Variants in SLC25A4 observed in about 807,000 individuals in gnomAD.
SLC25A4 encodes ADP/ATP translocase 1.
A neutral mutation model predicts 24.7 loss-of-function variants in SLC25A4; 10 were observed. That is an observed-to-expected ratio of 0.41 (90% CI 0.25 to 0.69). The LOEUF (loss-of-function observed/expected upper bound fraction) is 0.69. Among genes scored for constraint, SLC25A4 ranks in the 30% least tolerant of loss-of-function variants. The pLI, the probability that SLC25A4 is intolerant of heterozygous loss-of-function variation, is 0.35. For missense variants in SLC25A4, 273 were observed against 387.6 expected (o/e 0.70, Z 2.48); for synonymous variants, 125 against 153.3 (o/e 0.82, Z 1.36).
chr4:185,146,656 G>C (rs1734447041), intron 3 of SLC25A4, among the ~76,000 whole-genome samples, 158 bp from the exon 4 acceptor site: 1 of 152,210 alleles, frequency 6.6e-6, no homozygotes, highest in Non-Finnish European at 1.5e-5. Context: ...AGTGAAGCAA[G>C]GAAGGAGATG....
intron 1 of SLC25A4, 74 bp from the exon 2 acceptor site, chr4:185,144,690 C>CTTT: frequency 7.1e-6 from 10 of 1,404,850 alleles, no homozygotes; most frequent in Admixed American, 3.8e-5. Flanking sequence ...AAGTGCAAAC[C>CTTT]TTTTTTTTTC....
Position 185,145,394 on chromosome 4 carries a change from T to A in SLC25A4, c.598+144T>A. 1 of 1,258,854 alleles carries A rather than the reference T, an allele frequency of 7.9e-7. No homozygotes were observed. The highest frequency in any genetic ancestry group is 1.1e-6 in the Non-Finnish European group (1 of 894,618). The allele number at this position is 1,258,854 out of a possible 1,614,324, so 78.0% of individuals were successfully genotyped here. ...GAGGCTTCTGAATGAGGAGGTGATG[T>A]GCATAAGTTAATAGCTGAAGCGTTC... is the stretch of plus-strand genomic sequence containing the variant. On this transcript the variant is annotated intron_variant, in intron 2 of 3. Transcript: ENST00000281456. The surrounding 1 kb of genome is among the most constrained non-coding windows in gnomAD (Gnocchi z 5.5).
In SLC25A4 at chr4:185,145,685, C is replaced by A. The variant is rs985488099; in HGVS notation, c.599-74C>A. Reference sequence around the variant, plus strand: ...GAGCATGGAGCTGGAGGTGCAGTGGCCTCTCTCCCTCCACCTGCTTTCTGC... The same window carrying A: ...GAGCATGGAGCTGGAGGTGCAGTGGACTCTCTCCCTCCACCTGCTTTCTGC... On this transcript the variant is annotated intron_variant, in intron 2 of 3. Coordinates refer to ENST00000281456, the MANE Select transcript of SLC25A4 (RefSeq NM_001151.4). This position sits in a 1 kb window ranked among gnomAD's most constrained non-coding sequence, Gnocchi z 5.5. 7.0e-6 allele frequency: 11 copies of A among 1,574,036 alleles called. No individual in the cohort carries two copies. Among genetic ancestry groups the A allele is most frequent in the Non-Finnish European group, 9.6e-6 (11 of 1,147,556 alleles).
rs942055273 is a variant in SLC25A4, at chr4:185,147,978, C to T, written c.*1007C>T. 1.2e-4 allele frequency: 17 copies of T among 147,248 alleles called. No homozygotes were observed. Among genetic ancestry groups the T allele is most frequent in the Non-Finnish European group, 2.5e-4 (17 of 67,070 alleles). 9.1% of individuals were successfully genotyped at this position (147,248 alleles called of 1,614,324 possible). A position where few individuals can be genotyped will look rare whatever the true frequency, so the allele number is the denominator to read the frequency against. On this transcript the variant is annotated 3_prime_UTR_variant, in exon 4 of 4. Coordinates refer to ENST00000281456, the MANE Select transcript of SLC25A4 (RefSeq NM_001151.4). ...CCTAAGCGACAGGGCAAGACTCTGT[C>T]TCAAAAAAAAAAAAAAGAAAGAAAA...
intron 1 of SLC25A4, among the ~76,000 whole-genome samples, chr4:185,144,206 G>A (rs1162902154): frequency 6.6e-6 from 1 of 152,104 alleles, no homozygotes; most frequent in African/African-American, 2.4e-5. Context: ...GCTCACAACG[G>A]CAGCAAACCC....
Position 185,145,513 on chromosome 4 carries a change from A to G in SLC25A4, c.599-246A>G. The G allele has an allele frequency of 3.0e-6, 2 of 661,208 alleles. No individual in the cohort carries two copies. The highest frequency in any genetic ancestry group is 5.1e-6 in the Non-Finnish European group (2 of 393,184). 41.0% of individuals were successfully genotyped at this position (661,208 alleles called of 1,614,324 possible). ...CCCTCTAGACACAGCCATAGCAGTT[A>G]CTGAGTTTAACTTGAAGCCACTTCC... On this transcript the variant is annotated intron_variant, in intron 2 of 3. Transcript: ENST00000281456. The surrounding 1 kb of genome is among the most constrained non-coding windows in gnomAD (Gnocchi z 5.5).
Position 185,145,952 on chromosome 4 carries a change from ATT to A in SLC25A4, c.739+56_739+57del. 1 of 1,599,490 alleles carries A rather than the reference ATT, an allele frequency of 6.3e-7. No individual in the cohort carries two copies. Among genetic ancestry groups the A allele is most frequent in the Non-Finnish European group, 8.6e-7 (1 of 1,168,582 alleles). The stretch of plus-strand genomic sequence containing the variant: ...TTGTTTGGTTTTGCCCGAGGAGAAC[ATT>A]TTACAGGGCTCCTTTCAGTCTTCCT... On this transcript the variant is annotated intron_variant, in intron 3 of 3. Coordinates refer to ENST00000281456, the MANE Select transcript of SLC25A4 (RefSeq NM_001151.4). The surrounding 1 kb of genome is among the most constrained non-coding windows in gnomAD (Gnocchi z 5.5).
chr4:185,143,400 A>G lies in SLC25A4; in HGVS notation c.28A>G (p.Lys10Glu), dbSNP rs1255228498. ...GGGTGATCACGCTTGGAGCTTCCTA[A>G]AGGACTTCCTGGCCGGGGGCGTCGC... The part of the protein sequence containing the change: MGDHAWSFL[K>E]DFLAGGVAAA... The change falls in exon 1 of 4, where the codon AAG (lysine) becomes GAG (glutamate). Residue 10 changes from lysine (K) to glutamate (E), a missense_variant. Physicochemically the swap from Lys to Glu is moderately conservative, Grantham distance 56 (BLOSUM62 1). Transcript: ENST00000281456. 6.6e-7 allele frequency: 1 copy of G among 1,523,904 alleles called. No homozygotes were observed. Among genetic ancestry groups the G allele is most frequent in the Non-Finnish European group, 8.8e-7 (1 of 1,132,124 alleles). The allele number at this position is 1,523,904 out of a possible 1,614,324, so 94.4% of individuals were successfully genotyped here.
chr4:185,143,553 A>G, intron 1 of SLC25A4, 70 bp downstream of exon 1: 1 of 528,480 alleles, frequency 1.9e-6, no homozygotes, highest in Non-Finnish European at 2.5e-6. Flanking sequence ...ATGCGGCGCG[A>G]GCTGCAGGGC....
chr4:185,144,995 G>C lies in SLC25A4; in HGVS notation c.343G>C (p.Gly115Arg). ...RHKQFWRYFA[G>R]NLASGGAAGA... ...TAAGCAGTTCTGGCGCTACTTTGCTGGTAACCTGGCGTCCGGTGGGGCCGC... is the reference window on the plus strand; with the variant it reads ...TAAGCAGTTCTGGCGCTACTTTGCTCGTAACCTGGCGTCCGGTGGGGCCGC... Residue 115 changes from glycine to arginine, a missense_variant, in exon 2 of 4, where the codon GGT (glycine) becomes CGT (arginine). Physicochemically the swap from Gly to Arg is moderately radical, Grantham distance 125. Coordinates refer to ENST00000281456, the MANE Select transcript of SLC25A4 (RefSeq NM_001151.4). 1 of 1,614,220 alleles carries C rather than the reference G, an allele frequency of 6.2e-7. No homozygotes were observed. The highest frequency in any genetic ancestry group is 8.5e-7 in the Non-Finnish European group (1 of 1,180,032).
chr4:185,147,155 A>G lies in SLC25A4; in HGVS notation c.*184A>G. Reference sequence around the variant, plus strand: ...TCATTAAACCACACATGTATTTTGTATTTATTTTACATTTAAATTCCCACA... The same window carrying G: ...TCATTAAACCACACATGTATTTTGTGTTTATTTTACATTTAAATTCCCACA... On this transcript the variant is annotated 3_prime_UTR_variant, in exon 4 of 4. Transcript: ENST00000281456. 1 of 569,972 alleles carries G rather than the reference A, an allele frequency of 1.8e-6. No individual in the cohort carries two copies. The highest frequency in any genetic ancestry group is 3.1e-6 in the Non-Finnish European group (1 of 323,616). The allele number at this position is 569,972 out of a possible 1,614,324, so 35.3% of individuals were successfully genotyped here. A position where few individuals can be genotyped will look rare whatever the true frequency, so the allele number is the denominator to read the frequency against.
Position 185,147,194 on chromosome 4 carries a change from AATTT to A in SLC25A4, c.*226_*229del, listed in dbSNP as rs1488837513. On this transcript the variant is annotated 3_prime_UTR_variant, in exon 4 of 4. Transcript: ENST00000281456. ...TAAATTCCCACAGCAAATAGAAAAT[AATTT>A]ATCATACTTGTACAATTAACTGAAG... 2 of 515,168 alleles carry A rather than the reference AATTT, an allele frequency of 3.9e-6. No individual in the cohort carries two copies. Among genetic ancestry groups the A allele is most frequent in the Non-Finnish European group, 6.9e-6 (2 of 288,886 alleles). The allele number at this position is 515,168 out of a possible 1,614,324, so 31.9% of individuals were successfully genotyped here. A position where few individuals can be genotyped will look rare whatever the true frequency, so the allele number is the denominator to read the frequency against.
Position 185,144,759 on chromosome 4 carries a change from A to C in SLC25A4, c.112-5A>C. 6.2e-7 allele frequency: 1 copy of C among 1,609,220 alleles called. No homozygotes were observed. The highest frequency in any genetic ancestry group is 8.5e-7 in the Non-Finnish European group (1 of 1,178,780). On this transcript the variant is annotated splice_region_variant and splice_polypyrimidine_tract_variant and intron_variant, in intron 1 of 3. Coordinates refer to ENST00000281456, the MANE Select transcript of SLC25A4 (RefSeq NM_001151.4). ...TCCTCTGTCACCCACCCTCCCCTCC[A>C]CCAGGTCCAGCATGCCAGCAAACAG...
rs910204564 is a variant in SLC25A4, at chr4:185,143,272, C to T, written c.-101C>T. On this transcript the variant is annotated 5_prime_UTR_variant, in exon 1 of 4. Coordinates refer to ENST00000281456, the MANE Select transcript of SLC25A4 (RefSeq NM_001151.4). ...GAGCTGCGGGCCAGGCGGCGGCCCC[C>T]TAGCGTCGCGCAGGGTCGGGGACTG... 3.1e-6 allele frequency: 2 copies of T among 635,156 alleles called. No homozygotes were observed. The highest frequency in any genetic ancestry group is 2.5e-5 in the Admixed American group (1 of 39,886). 39.3% of individuals were successfully genotyped at this position (635,156 alleles called of 1,614,324 possible).
In SLC25A4 at chr4:185,145,850, C is replaced by G. The variant is rs1426227890; in HGVS notation, c.690C>G (p.Pro230=). The G allele has an allele frequency of 6.2e-7, 1 of 1,614,214 alleles. No homozygotes were observed. Among genetic ancestry groups the G allele is most frequent in the South Asian group, 1.1e-5 (1 of 91,084 alleles). ...CAGTCGCAGGGCTGGTGTCCTACCC[C>G]TTTGACACTGTTCGTCGTAGAATGA... ...VTAVAGLVSY[P]FDTVRRRMMM... The change falls in exon 3 of 4, where the codon CCC becomes CCG. Residue 230 remains proline, a synonymous_variant. Coordinates refer to ENST00000281456, the MANE Select transcript of SLC25A4 (RefSeq NM_001151.4). This position sits in a 1 kb window ranked among gnomAD's most constrained non-coding sequence, Gnocchi z 5.5.
chr4:185,145,766 G>C lies in SLC25A4; in HGVS notation c.606G>C (p.Leu202=), dbSNP rs753029385. The change falls in exon 3 of 4, where the codon CTG becomes CTC. Residue 202 remains leucine (L), a synonymous_variant. Transcript: ENST00000281456. The surrounding 1 kb of genome is among the most constrained non-coding windows in gnomAD (Gnocchi z 5.5). ...FGVYDTAKGM[L]PDPKNVHIFV... Reference sequence around the variant, plus strand: ...TCTGGGCTCTGTCCACAGGGATGCTGCCTGACCCCAAGAACGTGCACATTT... The same window carrying C: ...TCTGGGCTCTGTCCACAGGGATGCTCCCTGACCCCAAGAACGTGCACATTT... 2 of 1,614,112 alleles carry C rather than the reference G, an allele frequency of 1.2e-6. No homozygotes were observed. The highest frequency in any genetic ancestry group is 2.7e-5 in the African/African-American group (2 of 74,944).
In SLC25A4 at chr4:185,147,948, T is replaced by G. The variant is rs1734471113; in HGVS notation, c.*977T>G. 6.7e-6 allele frequency: 1 copy of G among 149,416 alleles called. No homozygotes were observed. Among genetic ancestry groups the G allele is most frequent in the South Asian group, 2.1e-4 (1 of 4,690 alleles). 9.3% of individuals were successfully genotyped at this position (149,416 alleles called of 1,614,324 possible). A position where few individuals can be genotyped will look rare whatever the true frequency, so the allele number is the denominator to read the frequency against. On this transcript the variant is annotated 3_prime_UTR_variant, in exon 4 of 4. Transcript: ENST00000281456. Reference sequence around the variant, plus strand: ...TGAGCTGAGATGGCATGCCACCACATCCATCCTAAGCGACAGGGCAAGACT... The same window carrying G: ...TGAGCTGAGATGGCATGCCACCACAGCCATCCTAAGCGACAGGGCAAGACT...
intron 3 of SLC25A4, among the ~76,000 whole-genome samples, chr4:185,146,423 T>TA (rs1734444099): frequency 6.6e-6 from 1 of 152,244 alleles, no homozygotes; most frequent in Non-Finnish European, 1.5e-5. Flanking sequence ...AACGAATAGT[T>TA]ACAGCCTTTT....
Position 185,143,492 on chromosome 4 carries a change from CGCGCGGTGCAAGAGGCGG to C in SLC25A4, c.111+16_111+33del. ...TCAAACTGCTGCTGCAGGTGAGGACCGCGCGGTGCAAGAGGCGGGCGCGGGCGCGGCGGGCCGGGCGGG... is the reference window on the plus strand; with the variant it reads ...TCAAACTGCTGCTGCAGGTGAGGACCGCGCGGGCGCGGCGGGCCGGGCGGG... On this transcript the variant is annotated intron_variant, in intron 1 of 3. Transcript: ENST00000281456. 1.4e-6 allele frequency: 2 copies of C among 1,388,052 alleles called. No individual in the cohort carries two copies. Among genetic ancestry groups the C allele is most frequent in the Non-Finnish European group, 1.9e-6 (2 of 1,048,014 alleles). The allele number at this position is 1,388,052 out of a possible 1,614,324, so 86.0% of individuals were successfully genotyped here. A position where few individuals can be genotyped will look rare whatever the true frequency, so the allele number is the denominator to read the frequency against.
Sources: allele counts gnomAD v4.1 joint callset (sites outside exome capture counted in the v4.1 genomes callset), GRCh38; gene constraint gnomAD v4.1.1; non-coding constraint Gnocchi (gnomAD v3.1); transcripts MANE v1.5; gene names NCBI Gene and HGNC (gene_info 2026-07-23, HGNC 2026-07-21).